SH3KBP1: variants seen among roughly 807,000 people sequenced by gnomAD.
SH3KBP1 encodes the protein SH3 domain-containing kinase-binding protein 1.
SH3KBP1 carries 8 observed loss-of-function variants against 50.1 expected under a neutral mutation model. The ratio of observed to expected loss-of-function variants is 0.16; its 90% CI spans 0.09 to 0.29. The LOEUF (loss-of-function observed/expected upper bound fraction) is 0.29, where lower values mean the gene tolerates loss of function less well. Among genes scored for constraint, SH3KBP1 ranks in the 10% least tolerant of loss-of-function variants. The probability of loss-of-function intolerance (pLI) is 1.00; values close to 1 mark genes in which losing one functional copy is unlikely to be tolerated. For synonymous variants in SH3KBP1, 227 were observed against 218.6 expected, an observed-to-expected ratio of 1.04 and a Z score of -0.34; for missense variants, 377 against 535.2, an observed-to-expected ratio of 0.70 and a Z score of 2.92.
chrX:19,620,273 G>A (rs2067766681), intron 8 of SH3KBP1, among the ~76,000 whole-genome samples: 1 of 112,068 alleles, frequency 8.9e-6, no homozygotes. Context: ...TCATTCCACA[G>A]ATAAGGACTG....
rs143595380 is a variant in SH3KBP1, at chrX:19,722,055, T to C, written c.287-15071A>G. Among the ~76,000 whole-genome samples the C allele has an allele frequency of 5.3e-3, 596 of 112,038 alleles. 8 individuals carry two copies. The highest frequency in any genetic ancestry group is 6.7e-3 in the Non-Finnish European group (356 of 53,182). ...CAAAGGTACAAGGGTAAACTATTTA[T>C]ATTTAACAAAGCAGTAAACATAACA... On this transcript the variant is annotated intron_variant, in intron 3 of 17. Transcript: ENST00000397821.
chrX:19,578,387 G>A (rs888694222), intron 12 of SH3KBP1, among the ~76,000 whole-genome samples: 2 of 111,556 alleles, frequency 1.8e-5, no homozygotes, highest in Non-Finnish European at 3.8e-5. Flanking sequence ...CAAGGCCAAC[G>A]CAAGTAAGCG....
At chrX:19,878,505 T>TGTGTGTGTGTGTGTGAGA (rs1491094714) in intron 1 of SH3KBP1, among the ~76,000 whole-genome samples, 110 of 48,243 alleles carry the variant, frequency 2.3e-3, no homozygotes, top group African/African-American at 6.3e-3. Context: ...TGTGTGTGTG[T>TGTGTGTGTGTGTGTGAGA]GAGAGAGAGA....
At chrX:19,572,416 T>G (rs1451472597) in intron 12 of SH3KBP1, among the ~76,000 whole-genome samples, 1 of 105,993 alleles carries the variant, frequency 9.4e-6, no homozygotes, top group Non-Finnish European at 1.9e-5. Flanking sequence ...AGTACATACA[T>G]GTTATATAGT....
intron 2 of SH3KBP1, among the ~76,000 whole-genome samples, chrX:19,786,159 C>T (rs773012340): frequency 1.8e-5 from 2 of 111,522 alleles, no homozygotes; most frequent in African/African-American, 6.5e-5. Context: ...CCATTAAAGA[C>T]AGCTTTTCCC....
intron 2 of SH3KBP1, among the ~76,000 whole-genome samples, chrX:19,824,140 G>T (rs1347231089): frequency 9.0e-6 from 1 of 111,705 alleles, no homozygotes; most frequent in East Asian, 2.8e-4. Context: ...AATTCTAATG[G>T]ACTTAAATCA....
intron 3 of SH3KBP1, among the ~76,000 whole-genome samples, chrX:19,741,608 C>G (rs1239884315): frequency 1.8e-5 from 2 of 111,834 alleles, no homozygotes; most frequent in Non-Finnish European, 3.8e-5. Context: ...ACATATAAAG[C>G]CAACCAGAAA....
intron 2 of SH3KBP1, among the ~76,000 whole-genome samples, chrX:19,750,224 A>C (rs1312119754): frequency 9.0e-6 from 1 of 111,308 alleles, no homozygotes; most frequent in East Asian, 2.8e-4. Context: ...TCACCCGGCT[A>C]ATTTTTGTGT....
chrX:19,788,286 C>CAAAAAAAAAA (rs1170966414), intron 2 of SH3KBP1, among the ~76,000 whole-genome samples: 1 of 65,719 alleles, frequency 1.5e-5, no homozygotes, highest in African/African-American at 5.6e-5. Context: ...AAAAAAAAAA[C>CAAAAAAAAAA]AAAAAAAAAA....
At chrX:19,603,314 C>A (rs2067147350) in intron 9 of SH3KBP1, among the ~76,000 whole-genome samples, 1 of 112,484 alleles carries the variant, frequency 8.9e-6, no homozygotes, top group African/African-American at 3.2e-5. Flanking sequence ...TCTGGTGGAA[C>A]CCGGCTTCTA....
intron 1 of SH3KBP1, among the ~76,000 whole-genome samples, chrX:19,845,474 T>A (rs2068344625): frequency 9.2e-6 from 1 of 108,517 alleles, no homozygotes; most frequent in Non-Finnish European, 1.9e-5. Flanking sequence ...CAAGACTCCA[T>A]CTCAAAAACA....
At chrX:19,738,023 G>A (rs2064645386) in intron 3 of SH3KBP1, among the ~76,000 whole-genome samples, 1 of 112,137 alleles carries the variant, frequency 8.9e-6, no homozygotes, top group Non-Finnish European at 1.9e-5. Flanking sequence ...CATGAGAGGT[G>A]GAACCTGAAG....
chrX:19,847,870 G>A (rs2068405036), intron 1 of SH3KBP1, among the ~76,000 whole-genome samples: 1 of 112,357 alleles, frequency 8.9e-6, no homozygotes, highest in Admixed American at 9.5e-5. Flanking sequence ...GGAAGCCACT[G>A]AGTAAGTATG....
intron 3 of SH3KBP1, among the ~76,000 whole-genome samples, chrX:19,722,531 GGTGT>G (rs59121045): frequency 0.11 from 11,459 of 100,952 alleles, 673 homozygotes; most frequent in Non-Finnish European, 0.15. Context: ...CAGCTGCACT[GGTGT>G]GTGTGTGTGT....
intron 5 of SH3KBP1, among the ~76,000 whole-genome samples, chrX:19,690,308 TC>T (rs2063258622): frequency 9.0e-6 from 1 of 111,301 alleles, no homozygotes; most frequent in Non-Finnish European, 1.9e-5. Flanking sequence ...TCCTCCCACC[TC>T]AGCCTCCCAA....
Position 19,684,048 on chromosome X carries a change from G to C in SH3KBP1, c.521-20C>G. ...TTAAACCTGTCAAGAGTGGGGATGG[G>C]GAGAGAAAGAGCTCAGAAATCAGCC... On this transcript the variant is annotated intron_variant, in intron 5 of 17. Transcript: ENST00000397821. The C allele has an allele frequency of 8.6e-7, 1 of 1,167,523 alleles. No homozygotes were observed. Among genetic ancestry groups the C allele is most frequent in the Non-Finnish European group, 1.2e-6 (1 of 857,238 alleles).
At chrX:19,668,513 GAA>G (rs2062674185) in intron 6 of SH3KBP1, among the ~76,000 whole-genome samples, 1 of 107,004 alleles carries the variant, frequency 9.3e-6, no homozygotes. Flanking sequence ...ATTATTTAGT[GAA>G]GAGTGATGTG....
At chrX:19,786,231 A>C (rs1364147345) in intron 2 of SH3KBP1, among the ~76,000 whole-genome samples, 4 of 111,547 alleles carry the variant, frequency 3.6e-5, no homozygotes, top group Non-Finnish European at 7.5e-5. Flanking sequence ...AGGTCAGAGT[A>C]ATAATTCTAA....
intron 1 of SH3KBP1, among the ~76,000 whole-genome samples, chrX:19,870,251 T>TCATCAACTATCATATCA (rs1569492416): frequency 8.9e-6 from 1 of 112,072 alleles, no homozygotes; most frequent in African/African-American, 3.2e-5. Flanking sequence ...AGACTTAGGG[T>TCATCAACTATCATATCA]GGTTGCTTCC....
Sources: gnomAD v4.1 joint callset for allele counts (sites outside exome capture counted in the v4.1 genomes callset) on GRCh38, gnomAD v4.1.1 for gene constraint, MANE v1.5 for transcripts, NCBI Gene and HGNC (gene_info 2026-07-23, HGNC 2026-07-21) for gene names.